Variants in LDB2 observed in about 807,000 individuals in gnomAD.
The protein encoded by LDB2 is LIM domain-binding protein 2.
LDB2 carries 12 observed loss-of-function variants against 44.3 expected under a neutral mutation model. The ratio of observed to expected loss-of-function variants is 0.27; its 90% CI spans 0.17 to 0.44. The LOEUF (loss-of-function observed/expected upper bound fraction) is 0.44. LDB2 is among the 20% of genes least tolerant of loss of function. The pLI, the probability that LDB2 is intolerant of heterozygous loss-of-function variation, is 1.00. For synonymous variants in LDB2, 164 were observed against 174.8 expected, an observed-to-expected ratio of 0.94 and a Z score of 0.49; for missense variants, 344 against 473.5, an observed-to-expected ratio of 0.73 and a Z score of 2.54.
At chr4:16,592,379 G>A (rs1560572041) in intron 3 of LDB2, among the ~76,000 whole-genome samples, 1 of 150,982 alleles carries the variant, frequency 6.6e-6, no homozygotes, top group African/African-American at 2.4e-5. Flanking sequence ...ATGGAGTAGT[G>A]CTTTTAGATT....
intron 1 of LDB2, among the ~76,000 whole-genome samples, chr4:16,861,627 A>T (rs1209857979): frequency 6.6e-6 from 1 of 152,098 alleles, no homozygotes; most frequent in Admixed American, 6.5e-5. Flanking sequence ...AATCACAGGG[A>T]TTATCACGCC....
intron 1 of LDB2, among the ~76,000 whole-genome samples, chr4:16,781,292 G>A (rs570125073): frequency 6.6e-6 from 1 of 152,330 alleles, no homozygotes; most frequent in African/African-American, 2.4e-5. Flanking sequence ...ATGCGCGGCA[G>A]TTTCTTTAGC....
chr4:16,607,596 C>T (rs893426100), intron 2 of LDB2, among the ~76,000 whole-genome samples: 3 of 152,148 alleles, frequency 2.0e-5, no homozygotes, highest in African/African-American at 4.8e-5. Context: ...TAACACTATG[C>T]ACGTGAAGTG....
At chr4:16,732,308 T>C (rs1207931169) in intron 2 of LDB2, among the ~76,000 whole-genome samples, 2 of 152,192 alleles carry the variant, frequency 1.3e-5, no homozygotes, top group African/African-American at 4.8e-5. Flanking sequence ...TAAAGGACAA[T>C]GCTCCAGCAC....
chr4:16,844,247 C>CTA (rs1561416948), intron 1 of LDB2, among the ~76,000 whole-genome samples: 1 of 29,884 alleles, frequency 3.3e-5, no homozygotes, highest in African/African-American at 1.5e-4. Context: ...CACCCTGTCT[C>CTA]CAAAAAAAAA....
intron 2 of LDB2, among the ~76,000 whole-genome samples, chr4:16,673,104 G>A (rs1745340936): frequency 6.6e-6 from 1 of 151,926 alleles, no homozygotes; most frequent in Non-Finnish European, 1.5e-5. Flanking sequence ...TGACCAATGG[G>A]ATTGTAATTC....
intron 2 of LDB2, among the ~76,000 whole-genome samples, chr4:16,661,826 A>C (rs1362735488): frequency 6.6e-6 from 1 of 152,182 alleles, no homozygotes; most frequent in Non-Finnish European, 1.5e-5. Flanking sequence ...CATTTAATTA[A>C]ACCTGAGGAA....
At chr4:16,583,860 C>T (rs867232629) in intron 5 of LDB2, among the ~76,000 whole-genome samples, 2 of 152,134 alleles carry the variant, frequency 1.3e-5, no homozygotes, top group African/African-American at 4.8e-5. Context: ...TATTTCAGCA[C>T]GCTTCGCTGG....
intron 2 of LDB2, among the ~76,000 whole-genome samples, chr4:16,756,132 G>A (rs910294757): frequency 2.6e-5 from 4 of 152,092 alleles, no homozygotes; most frequent in Admixed American, 2.6e-4. Context: ...ATACTGCCGG[G>A]ACTTTTGTTC....
Position 16,523,248 on chromosome 4 carries a change from A to AT in LDB2, c.616-11145dup, listed in dbSNP as rs939492657. On this transcript the variant is annotated intron_variant, in intron 5 of 7. Transcript: ENST00000304523. Reference sequence around the variant, plus strand: ...AATAGTACCAAATTCTATATATACCATTTTTTTTAACCTATATGTAGATAC... The same window carrying AT: ...AATAGTACCAAATTCTATATATACCATTTTTTTTTAACCTATATGTAGATAC... Among the ~76,000 whole-genome samples the AT allele has an allele frequency of 2.0e-4, 30 of 152,060 alleles. 1 individual carries two copies. The highest frequency in any genetic ancestry group is 1.5e-3 in the Admixed American group (23 of 15,262).
At chr4:16,588,960 G>T in intron 3 of LDB2, 128 bp from the exon 4 acceptor site, 1 of 920,138 alleles carries the variant, frequency 1.1e-6, no homozygotes, top group Non-Finnish European at 1.7e-6. Context: ...GTAAAGATGT[G>T]ACACGAGTGA....
At chr4:16,604,693 AAACT>A (rs1257286655) in intron 2 of LDB2, among the ~76,000 whole-genome samples, 4 of 152,020 alleles carry the variant, frequency 2.6e-5, no homozygotes, top group Admixed American at 2.6e-4. Context: ...AAAGAAAAAC[AAACT>A]ATTATCCTAT....
intron 1 of LDB2, among the ~76,000 whole-genome samples, chr4:16,792,823 G>C (rs1776041419): frequency 6.6e-6 from 1 of 152,174 alleles, no homozygotes; most frequent in African/African-American, 2.4e-5. Context: ...AAGGAGGAAG[G>C]AACATCATGA....
chr4:16,874,366 T>C (rs923803086), intron 1 of LDB2, among the ~76,000 whole-genome samples: 2 of 152,176 alleles, frequency 1.3e-5, no homozygotes, highest in Non-Finnish European at 2.9e-5. Context: ...AAGATGCACA[T>C]TTTTTCCAAT....
chr4:16,714,719 A>C (rs1475886278), intron 2 of LDB2, among the ~76,000 whole-genome samples: 1 of 152,118 alleles, frequency 6.6e-6, no homozygotes, highest in Non-Finnish European at 1.5e-5. Flanking sequence ...AAGTTCTGAG[A>C]GAGCATCTGT....
intron 1 of LDB2, among the ~76,000 whole-genome samples, chr4:16,824,421 C>G (rs749850938): frequency 6.6e-6 from 1 of 152,192 alleles, no homozygotes. Context: ...AGTCAGGGCA[C>G]GAATGCTTGT....
At chr4:16,578,877 T>C (rs1713019167) in intron 5 of LDB2, among the ~76,000 whole-genome samples, 2 of 152,196 alleles carry the variant, frequency 1.3e-5, no homozygotes, top group African/African-American at 4.8e-5. Context: ...AAAGATGAGA[T>C]TCTGTCATTT....
chr4:16,885,143 G>GCCTGGGC (rs1721271168), intron 1 of LDB2, among the ~76,000 whole-genome samples: 1 of 121,830 alleles, frequency 8.2e-6, no homozygotes. Flanking sequence ...AACATAGGGA[G>GCCTGGGC]ATACCACTTC....
intron 1 of LDB2, among the ~76,000 whole-genome samples, chr4:16,881,213 T>C (rs1347537085): frequency 1.3e-5 from 2 of 152,234 alleles, no homozygotes. Context: ...CAAGTGAAGT[T>C]CAGCTCTGAA....
Sources: gnomAD v4.1 joint callset for allele counts (sites outside exome capture counted in the v4.1 genomes callset) on GRCh38, gnomAD v4.1.1 for gene constraint, MANE v1.5 for transcripts, NCBI Gene and HGNC (gene_info 2026-07-23, HGNC 2026-07-21) for gene names.